REG3A: variants seen among roughly 807,000 people sequenced by gnomAD.
REG3A encodes regenerating family member 3 alpha, also known as regenerating islet-derived protein 3-alpha.
A neutral mutation model predicts 20.5 loss-of-function variants in REG3A; 15 were observed. That is an observed-to-expected ratio of 0.73 (90% CI 0.49 to 1.12). The LOEUF (loss-of-function observed/expected upper bound fraction) is 1.12. Ranked by LOEUF, REG3A falls within the 50% of genes most tolerant of loss-of-function variation. The pLI is 0.00. For synonymous variants in REG3A, 93 were observed against 83.2 expected (o/e 1.12, Z -0.64); for missense variants, 224 against 213.1 (o/e 1.05, Z -0.32).
At chr2:79,158,178 T>G (rs1174185796) in intron 4 of REG3A, 148 bp downstream of exon 4, 1 of 916,094 alleles carries the variant, frequency 1.1e-6, no homozygotes, top group Non-Finnish European at 1.6e-6. Flanking sequence ...AGATGCTTCA[T>G]GGCCTTCCCT....
At chr2:79,158,902 T>A (rs1166693227) in intron 2 of REG3A, 133 bp from the exon 3 acceptor site, 6 of 671,724 alleles carry the variant, frequency 8.9e-6, no homozygotes, top group Non-Finnish European at 1.5e-5. Flanking sequence ...TTCCCTTATG[T>A]TTTCAGAAAT....
At chr2:79,159,019 A>C in intron 2 of REG3A, 1 of 580,352 alleles carries the variant, frequency 1.7e-6, no homozygotes, top group South Asian at 2.1e-5. Context: ...CTGTCTCTAC[A>C]TTGGGTCCTC....
chr2:79,157,606 G>T lies in REG3A; in HGVS notation c.426C>A (p.Ser142Arg), dbSNP rs758760547. 11 of 1,614,098 alleles carry T rather than the reference G, an allele frequency of 6.8e-6. No individual in the cohort carries two copies. In the South Asian group the frequency reaches 1.2e-4, roughly 18 times the overall value. Residue 142 changes from serine (S) to arginine (R), a missense_variant, in exon 5 of 6, where the codon AGC becomes AGA. By Grantham distance (110) the Ser-to-Arg change is moderately radical. Transcript: ENST00000305165. The part of the protein sequence containing the change: ...AWERNPSTIS[S>R]PGHCASLSRS... Reference sequence around the variant, plus strand: ...TCGACAGGCTCGCACAGTGGCCGGGGCTTGAGATGGTGGAGGGATTTCTCT... The same window carrying T: ...TCGACAGGCTCGCACAGTGGCCGGGTCTTGAGATGGTGGAGGGATTTCTCT...
intron 2 of REG3A, 183 bp from the exon 3 acceptor site, chr2:79,158,952 C>A (rs923425076): frequency 1.6e-6 from 1 of 607,068 alleles, no homozygotes; most frequent in African/African-American, 1.9e-5. Context: ...GAGCACCATC[C>A]AGTCTCTTAT....
At chr2:79,158,819 G>A in intron 2 of REG3A, 50 bp from the exon 3 acceptor site, 1 of 1,455,102 alleles carries the variant, frequency 6.9e-7, no homozygotes, top group Non-Finnish European at 9.6e-7. Flanking sequence ...GGGGCTTGGG[G>A]TGGGAGATGA....
In REG3A at chr2:79,159,374, G is replaced by A. The variant is rs547113093; in HGVS notation, c.32C>T (p.Ser11Phe). 68 of 1,613,894 alleles carry A rather than the reference G, an allele frequency of 4.2e-5. No individual in the cohort carries two copies. The East Asian group carries it at 9.6e-4, about 23-fold the overall frequency. ...CATGAGGCAGGAAAGCAGCATCCAA[G>A]ATACACTGGGCAGGGCCATGGGAGG... MLPPMALPSV[S>F]WMLLSCLMLL... Residue 11 changes from serine to phenylalanine, a missense_variant, in exon 2 of 6, where the codon TCT becomes TTT. Physicochemically the swap from Ser to Phe is radical, Grantham distance 155. Coordinates refer to ENST00000305165, the MANE Select transcript of REG3A (RefSeq NM_002580.3).
At position 79,159,343 on chromosome 2, in the gene REG3A, C is replaced by T. The variant is rs1673392961; in HGVS notation, c.63G>A (p.Leu21=). 1 of 1,613,948 alleles carries T rather than the reference C, an allele frequency of 6.2e-7. No homozygotes were observed. Among genetic ancestry groups the T allele is most frequent in the Non-Finnish European group, 8.5e-7 (1 of 1,179,980 alleles). Residue 21 remains leucine (L), a synonymous_variant, in exon 2 of 6, where the codon CTG becomes CTA. Transcript: ENST00000305165. ...AAGCAATCTCACCTTGAACCTGAGA[C>T]AGCAGCATGAGGCAGGAAAGCAGCA... The part of the protein sequence containing the change: ...SWMLLSCLML[L]SQVQGEEPQR...
chr2:79,159,112 C>G (rs540326388), intron 2 of REG3A: 2 of 598,638 alleles, frequency 3.3e-6, no homozygotes, highest in East Asian at 5.7e-5. Context: ...ATATTAGAGT[C>G]CACTGACTAA....
In REG3A at chr2:79,157,180, A is replaced by G. The variant is rs1673333905; in HGVS notation, c.*46T>C. 2 of 1,480,846 alleles carry G rather than the reference A, an allele frequency of 1.4e-6. No homozygotes were observed. Among genetic ancestry groups the G allele is most frequent in the South Asian group, 1.1e-5 (1 of 88,340 alleles). The allele number at this position is 1,480,846 out of a possible 1,614,324, so 91.7% of individuals were successfully genotyped here. ...GAGTCCTCACACTGGTCTCATGCCC[A>G]TGATGAGTTGCACACCAAACACAGG... On this transcript the variant is annotated 3_prime_UTR_variant, in exon 6 of 6. Transcript: ENST00000305165.
chr2:79,159,502 T>C lies in REG3A; in HGVS notation c.-34-63A>G. On this transcript the variant is annotated intron_variant, in intron 1 of 5. Transcript: ENST00000305165. ...CCCCACTGCCTCATGTCATTTTCCTTCTCTAGTCCCCTAGGACTAAAGTGA... is the reference window on the plus strand; with the variant it reads ...CCCCACTGCCTCATGTCATTTTCCTCCTCTAGTCCCCTAGGACTAAAGTGA... The C allele has an allele frequency of 2.5e-6, 3 of 1,206,342 alleles. No homozygotes were observed. In the South Asian group the frequency reaches 3.8e-5, roughly 15 times the overall value. 74.7% of individuals were successfully genotyped at this position (1,206,342 alleles called of 1,614,324 possible). A position where few individuals can be genotyped will look rare whatever the true frequency, so the allele number is the denominator to read the frequency against.
chr2:79,158,947 C>T (rs976750083), intron 2 of REG3A, 178 bp from the exon 3 acceptor site: 7 of 610,616 alleles, frequency 1.1e-5, no homozygotes, highest in Non-Finnish European at 1.7e-5. Flanking sequence ...AAATGGAGCA[C>T]CATCCAGTCT....
chr2:79,158,974 CT>C (rs1673384491), intron 2 of REG3A: 2 of 593,952 alleles, frequency 3.4e-6, no homozygotes, highest in Non-Finnish European at 6.0e-6. Flanking sequence ...ACCCTTTCCC[CT>C]TATTCAACCA....
intron 4 of REG3A, 41 bp downstream of exon 4, chr2:79,158,285 G>A: frequency 6.3e-7 from 1 of 1,599,004 alleles, no homozygotes; most frequent in Non-Finnish European, 8.5e-7. Flanking sequence ...GGCAACAATA[G>A]CACCTTGAGA....
chr2:79,157,664 C>T lies in REG3A; in HGVS notation c.368G>A (p.Ser123Asn). Reference sequence around the variant, plus strand: ...AAAGTAATTCATCACATCACTGCTACTCCACTCCCAACCTTCTCCATTGGG... The same window carrying T: ...AAAGTAATTCATCACATCACTGCTATTCCACTCCCAACCTTCTCCATTGGG... Reference protein sequence around the residue: ...TEPNGEGWEWSSSDVMNYFAW... With the variant: ...TEPNGEGWEWNSSDVMNYFAW... Residue 123 changes from serine to asparagine, a missense_variant, in exon 5 of 6, where the codon AGT becomes AAT. Ser to Asn is a conservative substitution (Grantham distance 46). Coordinates refer to ENST00000305165, the MANE Select transcript of REG3A (RefSeq NM_002580.3). The T allele has an allele frequency of 6.2e-7, 1 of 1,614,160 alleles. No homozygotes were observed. Among genetic ancestry groups the T allele is most frequent in the Non-Finnish European group, 8.5e-7 (1 of 1,180,012 alleles).
chr2:79,159,579 G>A (rs1673401864), intron 1 of REG3A, 140 bp from the exon 2 acceptor site: 2 of 654,354 alleles, frequency 3.1e-6, no homozygotes, highest in Non-Finnish European at 5.3e-6. Context: ...GTGAATCTGT[G>A]TACTCTCCCA....
rs201428369 is a variant in REG3A at position 79,157,604 on chromosome 2, G to A, written c.428C>T (p.Pro143Leu). 93 of 1,614,150 alleles carry A rather than the reference G, an allele frequency of 5.8e-5. No individual in the cohort carries two copies. Among genetic ancestry groups the A allele is most frequent in the Non-Finnish European group, 7.6e-5 (90 of 1,180,026 alleles). ...TCTCGACAGGCTCGCACAGTGGCCG[G>A]GGCTTGAGATGGTGGAGGGATTTCT... ...WERNPSTISS[P>L]GHCASLSRST... The change falls in exon 5 of 6, where the codon CCC becomes CTC. Residue 143 changes from proline (P) to leucine (L), a missense_variant. Physicochemically the swap from Pro to Leu is moderately conservative, Grantham distance 98 (BLOSUM62 -3). Coordinates refer to ENST00000305165, the MANE Select transcript of REG3A (RefSeq NM_002580.3).
Position 79,157,175 on chromosome 2 carries a change from T to C in REG3A, c.*51A>G. On this transcript the variant is annotated 3_prime_UTR_variant, in exon 6 of 6. Transcript: ENST00000305165. ...AGGGTGAGTCCTCACACTGGTCTCA[T>C]GCCCATGATGAGTTGCACACCAAAC... 1 of 1,426,534 alleles carries C rather than the reference T, an allele frequency of 7.0e-7. No homozygotes were observed. The highest frequency in any genetic ancestry group is 9.9e-7 in the Non-Finnish European group (1 of 1,009,130). 88.4% of individuals were successfully genotyped at this position (1,426,534 alleles called of 1,614,324 possible).
At chr2:79,157,447 G>A in intron 5 of REG3A, 125 bp downstream of exon 5, 1 of 1,464,398 alleles carries the variant, frequency 6.8e-7, no homozygotes, top group Non-Finnish European at 9.4e-7. Flanking sequence ...GTGGAGAAGA[G>A]AGGAGATAAG....
chr2:79,159,249 C>T (rs1673390584), intron 2 of REG3A, 81 bp downstream of exon 2: 1 of 1,434,904 alleles, frequency 7.0e-7, no homozygotes, highest in Non-Finnish European at 9.8e-7. Flanking sequence ...CATTACCTCA[C>T]ATGACACACA....
Sources: allele counts gnomAD v4.1 joint callset, GRCh38; gene constraint gnomAD v4.1.1; transcripts MANE v1.5; gene names NCBI Gene and HGNC (gene_info 2026-07-23, HGNC 2026-07-21).